The following ITGA4 variants were observed in gnomAD, a reference collection of about 807,000 sequenced individuals.
ITGA4 encodes the protein integrin subunit alpha 4.
In ITGA4, 63 loss-of-function variants were observed where a neutral mutation model predicts 133.6. The observed-to-expected ratio is 0.47, with a 90% CI of 0.38 to 0.58. ITGA4 has a LOEUF of 0.58. ITGA4 is among the 20% of genes least tolerant of loss of function. ITGA4 has a pLI of 0.00. For synonymous variants in ITGA4, 483 were observed against 438.0 expected (o/e 1.10, Z -1.28); for missense variants, 1,076 against 1,252.7 (o/e 0.86, Z 2.13).
intron 10 of ITGA4, among the ~76,000 whole-genome samples, chr2:181,486,464 C>A (rs1574389996): frequency 6.6e-6 from 1 of 152,170 alleles, no homozygotes; most frequent in African/African-American, 2.4e-5. Context: ...GTTCTGGAAG[C>A]CCCTGCTCTG....
chr2:181,482,680 A>T, intron 9 of ITGA4, 29 bp downstream of exon 9: 1 of 1,603,410 alleles, frequency 6.2e-7, no homozygotes, highest in Non-Finnish European at 8.5e-7. Context: ...ACTGGAAGCC[A>T]TTTATGGAAT....
chr2:181,475,116 G>C (rs180755677), intron 3 of ITGA4, 43 bp from the exon 4 acceptor site: 8 of 1,613,250 alleles, frequency 5.0e-6, no homozygotes, highest in Non-Finnish European at 6.8e-6. Flanking sequence ...AGCTATCCTG[G>C]GTGCAGCTTT....
intron 17 of ITGA4, among the ~76,000 whole-genome samples, chr2:181,512,592 G>C (rs1371124377): frequency 6.6e-6 from 1 of 151,990 alleles, no homozygotes; most frequent in African/African-American, 2.4e-5. Flanking sequence ...CATCTTCAAG[G>C]AATTAAAGAG....
intron 15 of ITGA4, 37 bp downstream of exon 15, chr2:181,498,814 C>A (rs374792904): frequency 1.3e-6 from 2 of 1,548,900 alleles, no homozygotes; most frequent in Non-Finnish European, 1.7e-6. Flanking sequence ...AATATGTGAA[C>A]TTCAACGTTG....
chr2:181,514,291 A>G (rs1686562635), intron 17 of ITGA4, among the ~76,000 whole-genome samples: 1 of 152,120 alleles, frequency 6.6e-6, no homozygotes, highest in Non-Finnish European at 1.5e-5. Context: ...GGAGTCAACT[A>G]GGAATAAGTA....
In ITGA4 at chr2:181,507,409, A is replaced by G. The variant is rs3770114; in HGVS notation, c.1696-2249A>G. Among the ~76,000 whole-genome samples the G allele has an allele frequency of 1.6e-4, 25 of 152,176 alleles. 2 individuals carry two copies. The East Asian group carries it at 4.9e-3, about 30-fold the overall frequency. On this transcript the variant is annotated intron_variant, in intron 15 of 27. Coordinates refer to ENST00000397033, the MANE Select transcript of ITGA4 (RefSeq NM_000885.6). ...TTTAGTAGTAAAATCTTATTAGCTT[A>G]CCCTTTTAGATAAGGAGAAGTCTGT... is the stretch of plus-strand genomic sequence containing the variant.
intron 2 of ITGA4, among the ~76,000 whole-genome samples, chr2:181,460,681 G>A (rs1416575458): frequency 6.6e-6 from 1 of 151,688 alleles, no homozygotes; most frequent in African/African-American, 2.4e-5. Context: ...GCTTAGCTCA[G>A]TACTGACACA....
rs1687298186 is a variant in ITGA4, at chr2:181,538,264, TTTCATCAAC to T, written c.*2740_*2748del. 6.9e-7 allele frequency: 1 copy of T among 1,457,038 alleles called. No individual in the cohort carries two copies. The highest frequency in any genetic ancestry group is 1.4e-5 in the African/African-American group (1 of 71,674). The allele number at this position is 1,457,038 out of a possible 1,614,324, so 90.3% of individuals were successfully genotyped here. On this transcript the variant is annotated 3_prime_UTR_variant, in exon 28 of 28. Coordinates refer to ENST00000397033, the MANE Select transcript of ITGA4 (RefSeq NM_000885.6). The stretch of plus-strand genomic sequence containing the variant: ...TGCAATCTGTAAAGAAAATACATTA[TTTCATCAAC>T]TTATTTTGTTGTTTTTCACATACAC...
chr2:181,527,293 C>A lies in ITGA4; in HGVS notation c.2340-4C>A. The A allele has an allele frequency of 1.3e-6, 2 of 1,580,548 alleles. No individual in the cohort carries two copies. The highest frequency in any genetic ancestry group is 1.7e-6 in the Non-Finnish European group (2 of 1,150,278). On this transcript the variant is annotated splice_region_variant and splice_polypyrimidine_tract_variant and intron_variant, in intron 21 of 27. Coordinates refer to ENST00000397033, the MANE Select transcript of ITGA4 (RefSeq NM_000885.6). ...TTAATTAAATTTGAATTTGTTTTTA[C>A]CAGGTTTGTAAACCCAACTTCATTT... is the stretch of plus-strand genomic sequence containing the variant.
intron 1 of ITGA4, 67 bp from the exon 2 acceptor site, chr2:181,458,129 T>G: frequency 1.2e-6 from 2 of 1,605,780 alleles, no homozygotes; most frequent in Non-Finnish European, 1.7e-6. Context: ...TGCACATCTG[T>G]GGCGACAGGG....
At chr2:181,461,669 C>T (rs1273472458) in intron 2 of ITGA4, among the ~76,000 whole-genome samples, 1 of 152,138 alleles carries the variant, frequency 6.6e-6, no homozygotes, top group Non-Finnish European at 1.5e-5. Flanking sequence ...TCAAATTACA[C>T]TAAAAAGATG....
chr2:181,484,548 T>C (rs1383840493), intron 9 of ITGA4, among the ~76,000 whole-genome samples: 2 of 152,212 alleles, frequency 1.3e-5, no homozygotes, highest in East Asian at 3.8e-4. Context: ...GAATCAATCA[T>C]TCACTGCTTC....
intron 18 of ITGA4, among the ~76,000 whole-genome samples, chr2:181,522,698 TATTTTAAG>T (rs1313010652): frequency 2.0e-5 from 3 of 152,198 alleles, no homozygotes; most frequent in African/African-American, 7.2e-5. Context: ...TATAGTTCTT[TATTTTAAG>T]GTGACACTCA....
chr2:181,464,378 T>G (rs147420672), intron 2 of ITGA4, among the ~76,000 whole-genome samples: 1 of 152,284 alleles, frequency 6.6e-6, no homozygotes, highest in East Asian at 1.9e-4. Context: ...GGGTTCTTCC[T>G]TCATTAATAC....
chr2:181,457,600 C>G lies in ITGA4; in HGVS notation c.-55C>G, dbSNP rs200704645. 6.6e-7 allele frequency: 1 copy of G among 1,520,690 alleles called. No homozygotes were observed. Among genetic ancestry groups the G allele is most frequent in the African/African-American group, 1.4e-5 (1 of 72,834 alleles). 94.2% of individuals were successfully genotyped at this position (1,520,690 alleles called of 1,614,324 possible). On this transcript the variant is annotated 5_prime_UTR_variant, in exon 1 of 28. Transcript: ENST00000397033. Reference sequence around the variant, plus strand: ...TCCCCGTTGGCCAACCGTCGCATCCCGTGCAACTTTGGGGTAGTGGCCGTT... The same window carrying G: ...TCCCCGTTGGCCAACCGTCGCATCCGGTGCAACTTTGGGGTAGTGGCCGTT...
At chr2:181,497,293 C>A (rs1285755723) in intron 14 of ITGA4, among the ~76,000 whole-genome samples, 5 of 152,162 alleles carry the variant, frequency 3.3e-5, no homozygotes, top group Non-Finnish European at 7.4e-5. Flanking sequence ...CATAAATAAT[C>A]ATCACATTAT....
intron 4 of ITGA4, chr2:181,475,716 C>A: frequency 1.4e-6 from 2 of 1,412,104 alleles, no homozygotes; most frequent in Non-Finnish European, 1.9e-6. Flanking sequence ...ATCTTTCATT[C>A]GCACTCACTA....
chr2:181,530,806 G>A (rs549840278), intron 24 of ITGA4, among the ~76,000 whole-genome samples, 157 bp downstream of exon 24: 25 of 152,166 alleles, frequency 1.6e-4, no homozygotes, highest in Non-Finnish European at 3.1e-4. Context: ...TGGTTGGAAA[G>A]TTGAGATAGA....
In ITGA4 at chr2:181,536,916, C is replaced by CAATTCTGGGAAAGATTTCTTT. The variant is rs1314656952; in HGVS notation, c.*1391_*1411dup. 15 of 453,220 alleles carry CAATTCTGGGAAAGATTTCTTT rather than the reference C, an allele frequency of 3.3e-5. No homozygotes were observed. The East Asian group carries it at 7.6e-4, about 23-fold the overall frequency. 28.1% of individuals were successfully genotyped at this position (453,220 alleles called of 1,614,324 possible). On this transcript the variant is annotated 3_prime_UTR_variant, in exon 28 of 28. Coordinates refer to ENST00000397033, the MANE Select transcript of ITGA4 (RefSeq NM_000885.6). ...CAAATTAGAAGGCAATGTGGAAAAACAATTCTGGGAAAGATTTCTTTATAT... is the reference window on the plus strand; with the variant it reads ...CAAATTAGAAGGCAATGTGGAAAAACAATTCTGGGAAAGATTTCTTTAATTCTGGGAAAGATTTCTTTATAT...
Sources: gnomAD v4.1 joint callset for allele counts (sites outside exome capture counted in the v4.1 genomes callset) on GRCh38, gnomAD v4.1.1 for gene constraint, MANE v1.5 for transcripts, NCBI Gene and HGNC (gene_info 2026-07-23, HGNC 2026-07-21) for gene names.